The following FRMPD3 variants were observed in gnomAD, a reference collection of about 807,000 sequenced individuals.
FRMPD3 encodes FERM and PDZ domain containing 3.
In FRMPD3, 42 loss-of-function variants were observed where a neutral mutation model predicts 97.9. The observed-to-expected ratio is 0.43, with a 90% CI of 0.34 to 0.55. FRMPD3 has a LOEUF of 0.55. Among genes scored for constraint, FRMPD3 ranks in the 20% least tolerant of loss-of-function variants. The pLI, the probability that FRMPD3 is intolerant of heterozygous loss-of-function variation, is 0.03. For synonymous variants in FRMPD3, 577 were observed against 581.1 expected (o/e 0.99, Z 0.10); for missense variants, 1,303 against 1,457.7 (o/e 0.89, Z 1.73).
intron 4 of FRMPD3, among the ~76,000 whole-genome samples, chrX:107,537,853 A>G (rs1020581458): frequency 2.7e-5 from 3 of 111,824 alleles, no homozygotes; most frequent in Non-Finnish European, 5.6e-5. Context: ...AAAATCAATA[A>G]TCACGGCACT....
intron 4 of FRMPD3, 41 bp from the exon 5 acceptor site, chrX:107,545,696 C>T (rs1921555194): frequency 9.2e-7 from 1 of 1,088,936 alleles, no homozygotes. Context: ...TAGGCTTTCC[C>T]TAGATATGGA....
At chrX:107,571,186 A>C (rs757158160) in intron 12 of FRMPD3, among the ~76,000 whole-genome samples, 1 of 111,988 alleles carries the variant, frequency 8.9e-6, no homozygotes, top group Admixed American at 9.4e-5. Context: ...TATGTGTCCT[A>C]TTCTCATGTT....
At chrX:107,493,177 C>CAAAAAAAAAAAAA (rs60695168) in intron 1 of FRMPD3, among the ~76,000 whole-genome samples, 1 of 51,720 alleles carries the variant, frequency 1.9e-5, no homozygotes, top group Non-Finnish European at 3.1e-5. Flanking sequence ...GAGACCCTGT[C>CAAAAAAAAAAAAA]AAAAAAAAAA....
At chrX:107,565,743 A>G (rs964915916) in intron 12 of FRMPD3, among the ~76,000 whole-genome samples, 1 of 111,147 alleles carries the variant, frequency 9.0e-6, no homozygotes, top group Non-Finnish European at 1.9e-5. Flanking sequence ...GAAAGAAAAG[A>G]AAAAAGAAAA....
At chrX:107,529,694 C>T (rs1922850823) in intron 2 of FRMPD3, among the ~76,000 whole-genome samples, 1 of 111,983 alleles carries the variant, frequency 8.9e-6, no homozygotes, top group Non-Finnish European at 1.9e-5. Flanking sequence ...TGGCATTTCT[C>T]AGTGTAGAAA....
chrX:107,598,648 T>A (rs1466377958), intron 14 of FRMPD3, among the ~76,000 whole-genome samples: 1 of 112,270 alleles, frequency 8.9e-6, no homozygotes, highest in Non-Finnish European at 1.9e-5. Flanking sequence ...GTTTCTTCAA[T>A]CATTGTCAGT....
chrX:107,460,865 GATATGATTAATAA>G lies in FRMPD3; in HGVS notation c.-8+10862_-8+10874del, dbSNP rs746733853. 6.1e-4 allele frequency among the ~76,000 whole-genome samples: 68 copies of G among 111,598 alleles called. 1 individual carries two copies. Among genetic ancestry groups the G allele is most frequent in the African/African-American group, 2.2e-3 (67 of 30,729 alleles). On this transcript the variant is annotated intron_variant, in intron 1 of 14. Transcript: ENST00000683843. ...CCACCGTGAAATTGCAGAGAATGCA[GATATGATTAATAA>G]AGTGAGTGTTGTTCCATATTCATCT...
At chrX:107,519,646 C>T (rs1231364025) in intron 1 of FRMPD3, among the ~76,000 whole-genome samples, 2 of 111,580 alleles carry the variant, frequency 1.8e-5, no homozygotes, top group Non-Finnish European at 3.8e-5. Context: ...CTTAGGAAAT[C>T]TGTAGATAAC....
rs189994899 is a variant in FRMPD3, at chrX:107,513,357, C to A, written c.-7-13225C>A. On this transcript the variant is annotated intron_variant, in intron 1 of 14. Coordinates refer to ENST00000683843, the MANE Select transcript of FRMPD3 (RefSeq NM_001388459.1). ...CCTGCAAGGGAAATAGAGAGAAAGC[C>A]CTAGGAAAGTAACCAAATCATCTAC... 2.5e-4 allele frequency: 28 copies of A among 111,472 alleles called. 1 individual carries two copies. Among genetic ancestry groups the A allele is most frequent in the African/African-American group, 8.8e-4 (27 of 30,676 alleles). The allele number at this position is 111,472 out of a possible 1,213,427, so 9.2% of individuals were successfully genotyped here.
intron 1 of FRMPD3, among the ~76,000 whole-genome samples, chrX:107,499,246 G>A (rs758733219): frequency 1.8e-5 from 2 of 112,241 alleles, no homozygotes; most frequent in South Asian, 3.8e-4. Flanking sequence ...AGCTAAGTCC[G>A]GAAGGATAAG....
chrX:107,530,343 T>G (rs1922884164), intron 2 of FRMPD3, 66 bp from the exon 3 acceptor site: 12 of 905,966 alleles, frequency 1.3e-5, no homozygotes, highest in Non-Finnish European at 1.7e-5. Context: ...CACAGGGGAC[T>G]TGCCCAGACC....
At chrX:107,502,174 C>A (rs187064785) in intron 1 of FRMPD3, among the ~76,000 whole-genome samples, 17 of 110,584 alleles carry the variant, frequency 1.5e-4, no homozygotes, top group African/African-American at 5.6e-4. Context: ...AGGGGCAAAG[C>A]ACCCATTGGA....
At chrX:107,474,982 A>G (rs189935982) in intron 1 of FRMPD3, among the ~76,000 whole-genome samples, 4 of 111,737 alleles carry the variant, frequency 3.6e-5, no homozygotes, top group Admixed American at 1.9e-4. Flanking sequence ...GAACGGGTGT[A>G]TATTTCAAAA....
At chrX:107,592,258 C>T (rs1477875671) in intron 13 of FRMPD3, among the ~76,000 whole-genome samples, 1 of 111,981 alleles carries the variant, frequency 8.9e-6, no homozygotes, top group Non-Finnish European at 1.9e-5. Flanking sequence ...GCTGCAAATG[C>T]CATTATTTCA....
intron 4 of FRMPD3, among the ~76,000 whole-genome samples, chrX:107,539,084 T>G (rs1921163591): frequency 8.9e-6 from 1 of 112,556 alleles, no homozygotes; most frequent in African/African-American, 3.2e-5. Context: ...ATGAAAATAT[T>G]GATACTTGGG....
chrX:107,469,729 G>A (rs1286129149), intron 1 of FRMPD3, among the ~76,000 whole-genome samples: 1 of 112,405 alleles, frequency 8.9e-6, no homozygotes, highest in Non-Finnish European at 1.9e-5. Flanking sequence ...TTTAGAATGG[G>A]GTGGTTATGA....
chrX:107,559,637 A>G (rs1284964083), intron 8 of FRMPD3, among the ~76,000 whole-genome samples: 1 of 112,155 alleles, frequency 8.9e-6, no homozygotes, highest in Non-Finnish European at 1.9e-5. Flanking sequence ...TGACTCATTG[A>G]TAGCTGGGGC....
intron 1 of FRMPD3, among the ~76,000 whole-genome samples, chrX:107,480,900 GAAAGAAA>G (rs1569410741): frequency 0.066 from 3,362 of 50,763 alleles, 67 homozygotes; most frequent in Middle Eastern, 0.086. Context: ...AGGAAGGAAA[GAAAGAAA>G]GAAAGAAAGA....
chrX:107,461,557 A>G (rs979374871), intron 1 of FRMPD3, among the ~76,000 whole-genome samples: 1 of 110,463 alleles, frequency 9.1e-6, no homozygotes. Context: ...GCAGCCTCCT[A>G]ACTGGTCTCT....
Sources: gnomAD v4.1 joint callset for allele counts (sites outside exome capture counted in the v4.1 genomes callset) on GRCh38, gnomAD v4.1.1 for gene constraint, MANE v1.5 for transcripts, NCBI Gene and HGNC (gene_info 2026-07-23, HGNC 2026-07-21) for gene names.